The following STPG2 variants were observed in gnomAD, a reference collection of about 807,000 sequenced individuals.
STPG2 encodes the protein sperm-tail PG-rich repeat-containing protein 2.
In STPG2, 56 loss-of-function variants were observed where a neutral mutation model predicts 54.2. The observed-to-expected ratio is 1.03, with a 90% CI of 0.83 to 1.29. STPG2 has a LOEUF of 1.29. Ranked by LOEUF, STPG2 falls within the 50% of genes most tolerant of loss-of-function variation. The pLI is 0.00. For synonymous variants in STPG2, 200 were observed against 181.8 expected (o/e 1.10, Z -0.81); for missense variants, 596 against 544.9 (o/e 1.09, Z -0.93).
At chr4:97,621,034 C>T (rs976178695) in intron 10 of STPG2, among the ~76,000 whole-genome samples, 1 of 151,824 alleles carries the variant, frequency 6.6e-6, no homozygotes, top group Non-Finnish European at 1.5e-5. Context: ...CCTGAATGAC[C>T]GAGGGTGGGG....
intron 4 of STPG2, among the ~76,000 whole-genome samples, chr4:97,533,749 G>A (rs1428955714): frequency 6.6e-6 from 1 of 151,968 alleles, no homozygotes; most frequent in Non-Finnish European, 1.5e-5. Context: ...CCTCCATTGT[G>A]TGAACTTACT....
At chr4:97,460,519 T>C (rs889158797) in intron 4 of STPG2, among the ~76,000 whole-genome samples, 2 of 152,192 alleles carry the variant, frequency 1.3e-5, no homozygotes, top group African/African-American at 2.4e-5. Context: ...GTGCATCTCT[T>C]CTCCATTTTC....
chr4:97,987,433 A>G (rs768489366), intron 5 of STPG2, among the ~76,000 whole-genome samples: 9 of 152,184 alleles, frequency 5.9e-5, no homozygotes, highest in Non-Finnish European at 1.2e-4. Flanking sequence ...GAAATAGTTT[A>G]ACTACATATG....
intron 9 of STPG2, among the ~76,000 whole-genome samples, chr4:97,802,002 C>T (rs778984298): frequency 1.3e-5 from 2 of 152,188 alleles, no homozygotes; most frequent in Non-Finnish European, 2.9e-5. Flanking sequence ...CTTGTTACAA[C>T]AGAGGTTGGT....
intron 4 of STPG2, among the ~76,000 whole-genome samples, chr4:97,511,066 A>G (rs1001641943): frequency 2.6e-5 from 4 of 152,158 alleles, no homozygotes; most frequent in African/African-American, 9.6e-5. Context: ...GCCAAAGTAC[A>G]TGGAAGAAAT....
chr4:97,691,952 T>C (rs1286469525), intron 10 of STPG2, among the ~76,000 whole-genome samples: 2 of 152,002 alleles, frequency 1.3e-5, no homozygotes, highest in Non-Finnish European at 2.9e-5. Flanking sequence ...TAACATGCTC[T>C]CAGAAAGCCC....
intron 7 of STPG2, among the ~76,000 whole-genome samples, chr4:97,960,777 AGCAATCTATAAAT>A (rs1456050819): frequency 2.6e-5 from 4 of 152,142 alleles, no homozygotes; most frequent in Admixed American, 2.6e-4. Context: ...TATTGCCAAA[AGCAATCTATAAAT>A]TCAATGCAAT....
At chr4:97,656,961 A>G (rs1178386373) in intron 10 of STPG2, among the ~76,000 whole-genome samples, 1 of 152,014 alleles carries the variant, frequency 6.6e-6, no homozygotes, top group African/African-American at 2.4e-5. Context: ...TAAAATTTTG[A>G]AAACATAGCC....
chr4:97,456,892 AAAAAAAAAAAAAAGAAAATT>A (rs1003247678), intron 4 of STPG2, among the ~76,000 whole-genome samples: 4 of 126,298 alleles, frequency 3.2e-5, no homozygotes, highest in Non-Finnish European at 6.6e-5. Flanking sequence ...GCTCCGTCTC[AAAAAAAAAAAAAAGAAAATT>A]AAAAAAAAAA....
rs907769394 is a variant in STPG2 at position 97,590,646 on chromosome 4, C to G, written c.1321-31529G>C. ...ATACACACAGACACACAGACACACA[C>G]ACACACACACACACACACACACACA... On this transcript the variant is annotated intron_variant, in intron 10 of 10. Transcript: ENST00000295268. 2.3e-3 allele frequency among the ~76,000 whole-genome samples: 343 copies of G among 147,592 alleles called. 3 individuals carry two copies. Among genetic ancestry groups the G allele is most frequent in the African/African-American group, 8.1e-3 (308 of 38,128 alleles).
At position 98,106,024 on chromosome 4, in the gene STPG2, C is replaced by G; in HGVS notation, c.541G>C (p.Asp181His). The change falls in exon 5 of 11, where the codon GAT becomes CAT. Residue 181 changes from aspartate to histidine, a missense_variant. Coordinates refer to ENST00000295268, the MANE Select transcript of STPG2 (RefSeq NM_174952.3). ...SYYENVNIKR[D>H]QQQNYCSFIP... ...AATGAACAATAATTTTGTTGTTGAT[C>G]TCTCTTGATGTTAACATTTTCATAA... is the stretch of plus-strand genomic sequence containing the variant. The G allele has an allele frequency of 6.5e-7, 1 of 1,535,830 alleles. No individual in the cohort carries two copies. The highest frequency in any genetic ancestry group is 8.9e-7 in the Non-Finnish European group (1 of 1,119,660).
At chr4:97,558,204 T>C (rs980415708), downstream of STPG2, among the ~76,000 whole-genome samples, 12 of 152,158 alleles carry the variant, frequency 7.9e-5, no homozygotes, top group Non-Finnish European at 1.5e-4. Flanking sequence ...ATTAATAAAG[T>C]TGAGAATGAA....
intron 9 of STPG2, among the ~76,000 whole-genome samples, chr4:97,792,008 G>A (rs578081999): frequency 2.0e-5 from 3 of 151,830 alleles, no homozygotes; most frequent in Non-Finnish European, 4.4e-5. Context: ...CTTGAAAACA[G>A]GTAGAGAAAA....
intron 9 of STPG2, among the ~76,000 whole-genome samples, chr4:97,791,599 G>A (rs1326781106): frequency 2.6e-5 from 4 of 151,972 alleles, no homozygotes; most frequent in African/African-American, 9.7e-5. Flanking sequence ...TACAAATATA[G>A]CAGTGTTATT....
Position 98,023,863 on chromosome 4 carries a change from G to GT in STPG2, c.613-42546dup, listed in dbSNP as rs1440854467. On this transcript the variant is annotated intron_variant, in intron 5 of 10. Transcript: ENST00000295268. ...GCAGGATATAATCTCCTGGTGTGCCGTTTTTTAAGCCCGTTGGAAAAGCGC... is the reference window on the plus strand; with the variant it reads ...GCAGGATATAATCTCCTGGTGTGCCGTTTTTTTAAGCCCGTTGGAAAAGCGC... 5.9e-5 allele frequency among the ~76,000 whole-genome samples: 9 copies of GT among 152,290 alleles called. No homozygotes were observed. In the East Asian group the frequency reaches 1.5e-3, roughly 26 times the overall value.
At chr4:97,685,137 C>T (rs1414477536) in intron 10 of STPG2, among the ~76,000 whole-genome samples, 12 of 152,044 alleles carry the variant, frequency 7.9e-5, no homozygotes. Context: ...GCAAAAGGTA[C>T]AGCCACTTTA....
intron 10 of STPG2, among the ~76,000 whole-genome samples, chr4:97,655,894 T>G (rs1331650456): frequency 1.3e-5 from 2 of 152,146 alleles, no homozygotes; most frequent in African/African-American, 4.8e-5. Context: ...TAGAACATAA[T>G]TTAGGACACA....
chr4:97,555,289 A>G (rs973499172), downstream of STPG2, among the ~76,000 whole-genome samples: 1 of 152,156 alleles, frequency 6.6e-6, no homozygotes, highest in Non-Finnish European at 1.5e-5. Flanking sequence ...CCATGTATAC[A>G]GGAAGTATAC....
chr4:97,961,022 G>T (rs148523705), intron 7 of STPG2, among the ~76,000 whole-genome samples: 89 of 151,798 alleles, frequency 5.9e-4, no homozygotes, highest in African/African-American at 2.0e-3. Context: ...GAACAGAATA[G>T]AGAACTCGGA....
Sources: allele counts gnomAD v4.1 joint callset (sites outside exome capture counted in the v4.1 genomes callset), GRCh38; gene constraint gnomAD v4.1.1; transcripts MANE v1.5; gene names NCBI Gene and HGNC (gene_info 2026-07-23, HGNC 2026-07-21).